Variants in RP1 observed in about 807,000 individuals in gnomAD.
RP1 encodes RP1 axonemal microtubule associated.
Under a neutral mutation model 14.8 loss-of-function variants are expected in RP1, and 16 were observed. That is an observed-to-expected ratio of 1.08 (90% CI 0.73 to 1.65). The LOEUF (loss-of-function observed/expected upper bound fraction) is 1.65. Among genes scored for constraint, RP1 ranks in the 40% most tolerant of loss-of-function variants. RP1 has a pLI of 0.00. For missense variants in RP1, 2,631 were observed against 2,535.0 expected (o/e 1.04, Z -0.81); for synonymous variants, 876 against 883.6 (o/e 0.99, Z 0.15).
At position 54,869,773 on chromosome 8, in the gene RP1, T is replaced by C. The variant is rs967029018; in HGVS notation, c.4152-70T>C. 6.8e-5 allele frequency: 38 copies of C among 557,834 alleles called. No individual in the cohort carries two copies. In the African/African-American group the frequency reaches 7.2e-4, roughly 10 times the overall value. The allele number at this position is 557,834 out of a possible 1,614,324, so 34.6% of individuals were successfully genotyped here. The stretch of plus-strand genomic sequence containing the variant: ...TAAATTCTTTCCATATGTTTTTTTT[T>C]CCTTTCTAACTAATGAGCCTCCTTT... On this transcript the variant is annotated intron_variant, in intron 28 of 28. Coordinates refer to the RP1 transcript ENST00000637698.
chr8:54,709,503 G>C (rs1299912611), intron 15 of RP1, among the ~76,000 whole-genome samples: 1 of 152,118 alleles, frequency 6.6e-6, no homozygotes, highest in Non-Finnish European at 1.5e-5. Flanking sequence ...TCTTCTTAGA[G>C]ATATTTCACA....
intron 24 of RP1, among the ~76,000 whole-genome samples, chr8:54,790,205 C>A (rs1048285647): frequency 6.6e-6 from 1 of 152,166 alleles, no homozygotes; most frequent in African/African-American, 2.4e-5. Flanking sequence ...GCAGAGACCA[C>A]CTTGCAGCTC....
chr8:54,591,055 A>G (rs931449596), intron 1 of RP1, among the ~76,000 whole-genome samples: 4 of 152,092 alleles, frequency 2.6e-5, no homozygotes, highest in African/African-American at 9.7e-5. Flanking sequence ...ACTTATCGTT[A>G]TTTTCCTGGC....
At chr8:54,809,075 C>T (rs558103508) in intron 24 of RP1, among the ~76,000 whole-genome samples, 2 of 152,314 alleles carry the variant, frequency 1.3e-5, no homozygotes, top group African/African-American at 4.8e-5. Context: ...GCACTTCAAC[C>T]TATGTTCCTT....
intron 16 of RP1, among the ~76,000 whole-genome samples, chr8:54,723,805 T>C (rs1228668142): frequency 6.6e-6 from 1 of 152,240 alleles, no homozygotes; most frequent in East Asian, 1.9e-4. Flanking sequence ...CAGTGTACTA[T>C]TACTTTTATA....
At chr8:54,771,222 G>A (rs1269153050), downstream of RP1, among the ~76,000 whole-genome samples, 2 of 151,980 alleles carry the variant, frequency 1.3e-5, no homozygotes, top group African/African-American at 2.4e-5. Context: ...TAATGTTCCA[G>A]AATTTCTTAA....
chr8:54,632,543 G>A (rs1471257771), downstream of RP1, among the ~76,000 whole-genome samples: 1 of 152,184 alleles, frequency 6.6e-6, no homozygotes, highest in African/African-American at 2.4e-5. Flanking sequence ...TAATAAATGT[G>A]TGTTAAATGG....
chr8:54,800,109 A>G (rs953635297), intron 24 of RP1, among the ~76,000 whole-genome samples: 9 of 152,024 alleles, frequency 5.9e-5, no homozygotes, highest in African/African-American at 2.2e-4. Context: ...TTTTTACTGG[A>G]TATGGAATTC....
chr8:54,571,075 C>T (rs1804509501), intron 1 of RP1, among the ~76,000 whole-genome samples: 1 of 152,200 alleles, frequency 6.6e-6, no homozygotes, highest in South Asian at 2.1e-4. Context: ...CCCCCTTCTG[C>T]CTGTCTAGAC....
intron 19 of RP1, among the ~76,000 whole-genome samples, chr8:54,751,676 A>T (rs1809374922): frequency 6.6e-6 from 1 of 152,234 alleles, no homozygotes; most frequent in Admixed American, 6.5e-5. Flanking sequence ...CATGCCTTTT[A>T]CTGAGTCCTG....
chr8:54,568,929 T>A lies in RP1; in HGVS notation c.-13+9609T>A, dbSNP rs1017071068. ...ATAAGTTATTTAACATTGCTAAGCC[T>A]CAGTTTCCTCATCATTAAAATGAGA... On this transcript the variant is annotated intron_variant, in intron 1 of 22. Coordinates refer to the RP1 transcript ENST00000636932. Among the ~76,000 whole-genome samples, 5 of 152,346 alleles carry A rather than the reference T, an allele frequency of 3.3e-5. No homozygotes were observed. In the South Asian group the frequency reaches 1.0e-3, roughly 32 times the overall value.
intron 20 of RP1, chr8:54,755,517 C>CT (rs1809482542): frequency 1.8e-6 from 2 of 1,141,100 alleles, no homozygotes; most frequent in Non-Finnish European, 2.4e-6. Context: ...ATATGTTTTT[C>CT]TTTTTTTACT....
At chr8:54,680,037 TG>T in intron 12 of RP1, 1 of 1,406,040 alleles carries the variant, frequency 7.1e-7, no homozygotes, top group Non-Finnish European at 9.3e-7. Flanking sequence ...TTTTTACAGA[TG>T]GCTTTACACA....
At position 54,817,929 on chromosome 8, in the gene RP1, A is replaced by G. The variant is rs1204615605; in HGVS notation, c.3616-19521A>G. On this transcript the variant is annotated intron_variant, in intron 24 of 28. Coordinates refer to the RP1 transcript ENST00000637698. ...AGCCTATTTCATTTTATTTTCACAA[A>G]GGAACTATGAAAGCATAACTGGGAA... is the stretch of plus-strand genomic sequence containing the variant. Among the ~76,000 whole-genome samples the G allele has an allele frequency of 4.6e-5, 7 of 152,254 alleles. No homozygotes were observed. The East Asian group carries it at 1.3e-3, about 29-fold the overall frequency.
intron 6 of RP1, among the ~76,000 whole-genome samples, chr8:54,660,880 AAAG>A (rs1237850834): frequency 2.6e-5 from 4 of 152,156 alleles, no homozygotes; most frequent in Non-Finnish European, 4.4e-5. Flanking sequence ...ATGGAAAATA[AAAG>A]AAGAATACCT....
At chr8:54,837,584 T>C in exon 25 of RP1, 1 of 1,232,054 alleles carries the variant, frequency 8.1e-7, no homozygotes, top group South Asian at 4.1e-5. Context: ...GTTTACCTGT[T>C]GATTCCTGGA....
intron 15 of RP1, among the ~76,000 whole-genome samples, chr8:54,714,546 G>C (rs1808359430): frequency 6.6e-6 from 1 of 152,178 alleles, no homozygotes; most frequent in South Asian, 2.1e-4. Context: ...CAAGAAGACA[G>C]CTTCAGCTCC....
intron 16 of RP1, among the ~76,000 whole-genome samples, chr8:54,725,883 A>G (rs1220620215): frequency 1.3e-5 from 2 of 152,202 alleles, no homozygotes; most frequent in East Asian, 3.8e-4. Context: ...GCTTCTAAGT[A>G]AAAGGTAGAA....
chr8:54,740,403 TAAAAAAAAAAAAAAAAA>T, intron 19 of RP1, among the ~76,000 whole-genome samples: 1 of 80,240 alleles, frequency 1.2e-5, no homozygotes, highest in Admixed American at 1.5e-4. Context: ...GCTTAAAAAG[TAAAAAAAAAAAAAAAAA>T]AAAAAAAAAA....
Sources: allele counts gnomAD v4.1 joint callset (sites outside exome capture counted in the v4.1 genomes callset), GRCh38; gene constraint gnomAD v4.1.1; transcripts MANE v1.5; gene names NCBI Gene and HGNC (gene_info 2026-07-23, HGNC 2026-07-21).